The following EXOC6B variants were observed in gnomAD, a reference collection of about 807,000 sequenced individuals.
EXOC6B encodes SEC15 homolog B.
In EXOC6B, 54 loss-of-function variants were observed where a neutral mutation model predicts 113.5. That is an observed-to-expected ratio of 0.48 (90% CI 0.38 to 0.60). EXOC6B has a LOEUF of 0.60. EXOC6B is among the 20% of genes least tolerant of loss of function. The pLI, the probability that EXOC6B is intolerant of heterozygous loss-of-function variation, is 0.00. For missense variants in EXOC6B, 797 were observed against 977.5 expected, an observed-to-expected ratio of 0.82 and a Z score of 2.46; for synonymous variants, 357 against 339.0, an observed-to-expected ratio of 1.05 and a Z score of -0.58.
At chr2:72,460,754 TTGG>T (rs1697581981) in intron 18 of EXOC6B, among the ~76,000 whole-genome samples, 1 of 152,114 alleles carries the variant, frequency 6.6e-6, no homozygotes, top group Admixed American at 6.5e-5. Context: ...TTTTACACTG[TTGG>T]TGGGACTGTA....
intron 6 of EXOC6B, among the ~76,000 whole-genome samples, chr2:72,605,304 A>C (rs1201546038): frequency 6.6e-6 from 1 of 151,796 alleles, no homozygotes; most frequent in Non-Finnish European, 1.5e-5. Context: ...AAAAGGAAAA[A>C]AAAAAGAAAA....
At chr2:72,358,417 A>G (rs1195056213) in intron 19 of EXOC6B, among the ~76,000 whole-genome samples, 1 of 152,144 alleles carries the variant, frequency 6.6e-6, no homozygotes, top group Non-Finnish European at 1.5e-5. Flanking sequence ...AGTCGTTGGC[A>G]AAATTGAAGT....
At chr2:72,254,697 T>C (rs1008045553) in intron 20 of EXOC6B, among the ~76,000 whole-genome samples, 1 of 152,116 alleles carries the variant, frequency 6.6e-6, no homozygotes, top group Admixed American at 6.6e-5. Flanking sequence ...ATATTCTTGG[T>C]AGGAATATAC....
chr2:72,312,800 C>CAAAAA (rs11288459), intron 20 of EXOC6B, among the ~76,000 whole-genome samples: 2 of 113,440 alleles, frequency 1.8e-5, no homozygotes, highest in African/African-American at 5.5e-5. Flanking sequence ...AAACGACAAC[C>CAAAAA]AAAAAAAAAA....
At chr2:72,822,565 C>T (rs576335805) in intron 1 of EXOC6B, among the ~76,000 whole-genome samples, 15 of 152,114 alleles carry the variant, frequency 9.9e-5, no homozygotes, top group East Asian at 3.9e-4. Flanking sequence ...AAAAATAATC[C>T]GTATCATAGC....
At chr2:72,228,022 G>T (rs1681353112) in intron 20 of EXOC6B, among the ~76,000 whole-genome samples, 1 of 152,182 alleles carries the variant, frequency 6.6e-6, no homozygotes, top group South Asian at 2.1e-4. Flanking sequence ...TATGATTGAA[G>T]TATAGATGAG....
chr2:72,611,943 T>C (rs1438188347), intron 6 of EXOC6B, among the ~76,000 whole-genome samples: 3 of 152,116 alleles, frequency 2.0e-5, no homozygotes, highest in Non-Finnish European at 2.9e-5. Context: ...CAAAAAAGCA[T>C]AGAAAGAAGA....
chr2:72,363,994 C>T (rs986826897), intron 19 of EXOC6B, among the ~76,000 whole-genome samples: 2 of 152,044 alleles, frequency 1.3e-5, no homozygotes, highest in African/African-American at 4.8e-5. Context: ...GGTATATTCA[C>T]ATTTCATCTT....
chr2:72,372,558 C>T (rs1691094705), intron 19 of EXOC6B, among the ~76,000 whole-genome samples: 1 of 152,090 alleles, frequency 6.6e-6, no homozygotes, highest in South Asian at 2.1e-4. Context: ...GTCAAGAACA[C>T]ACACTGACTG....
chr2:72,369,264 G>T (rs998392148), intron 19 of EXOC6B, among the ~76,000 whole-genome samples: 1 of 152,124 alleles, frequency 6.6e-6, no homozygotes, highest in African/African-American at 2.4e-5. Flanking sequence ...ATTCACAATT[G>T]CTTCAAACAG....
intron 6 of EXOC6B, among the ~76,000 whole-genome samples, chr2:72,611,997 T>C (rs1482643918): frequency 6.6e-6 from 1 of 152,160 alleles, no homozygotes; most frequent in Non-Finnish European, 1.5e-5. Flanking sequence ...AATTATCATC[T>C]TGGGGCCAGG....
At chr2:72,661,677 A>T (rs1675028385) in intron 6 of EXOC6B, among the ~76,000 whole-genome samples, 1 of 152,118 alleles carries the variant, frequency 6.6e-6, no homozygotes, top group South Asian at 2.1e-4. Context: ...CCCAGCAGGA[A>T]TTTTTATAGA....
At chr2:72,736,683 A>G (rs1392510357) in intron 2 of EXOC6B, among the ~76,000 whole-genome samples, 2 of 152,182 alleles carry the variant, frequency 1.3e-5, no homozygotes, top group African/African-American at 4.8e-5. Flanking sequence ...GATATCAGCA[A>G]TTCAGGAGCA....
chr2:72,523,609 T>C (rs374618145), intron 8 of EXOC6B, among the ~76,000 whole-genome samples: 28 of 152,124 alleles, frequency 1.8e-4, no homozygotes, highest in Admixed American at 5.9e-4. Context: ...AAACCCCGTC[T>C]GTACTACAAA....
intron 7 of EXOC6B, among the ~76,000 whole-genome samples, chr2:72,568,546 C>T (rs544148651): frequency 2.2e-4 from 33 of 151,996 alleles, no homozygotes; most frequent in African/African-American, 7.5e-4. Context: ...TACACACACA[C>T]GCACGCACGC....
At chr2:72,273,885 T>C (rs1319050572) in intron 20 of EXOC6B, among the ~76,000 whole-genome samples, 2 of 152,154 alleles carry the variant, frequency 1.3e-5, no homozygotes, top group East Asian at 3.8e-4. Flanking sequence ...GCGAAAGCAG[T>C]GGGAACACTG....
At chr2:72,443,761 C>T (rs968620589) in intron 18 of EXOC6B, among the ~76,000 whole-genome samples, 23 of 152,126 alleles carry the variant, frequency 1.5e-4, no homozygotes, top group African/African-American at 2.4e-4. Context: ...TTCATTACCA[C>T]GAGAACAGTG....
chr2:72,814,743 G>C (rs989373625), intron 1 of EXOC6B, among the ~76,000 whole-genome samples: 1 of 152,206 alleles, frequency 6.6e-6, no homozygotes, highest in African/African-American at 2.4e-5. Flanking sequence ...TGTAATCCCA[G>C]CACTTTGGGA....
intron 18 of EXOC6B, among the ~76,000 whole-genome samples, chr2:72,417,591 CTGTTA>C (rs1262034927): frequency 6.6e-6 from 1 of 152,070 alleles, no homozygotes; most frequent in East Asian, 1.9e-4. Flanking sequence ...TTTTCCTATT[CTGTTA>C]TTAGTTATCC....
Sources: allele counts gnomAD v4.1 joint callset (sites outside exome capture counted in the v4.1 genomes callset), GRCh38; gene constraint gnomAD v4.1.1; transcripts MANE v1.5; gene names NCBI Gene and HGNC (gene_info 2026-07-23, HGNC 2026-07-21).